The following BRCA2 variants were observed in gnomAD, a reference collection of about 807,000 sequenced individuals.
BRCA2 encodes the protein BRCA2 DNA repair associated.
A neutral mutation model predicts 276.7 loss-of-function variants in BRCA2; 203 were observed. The observed-to-expected ratio is 0.73, with a 90% confidence interval of 0.65 to 0.82. The LOEUF (loss-of-function observed/expected upper bound fraction) is 0.82. Among genes scored for constraint, BRCA2 ranks in the 40% least tolerant of loss-of-function variants. The probability of loss-of-function intolerance (pLI) is 0.00; values close to 1 mark genes in which losing one functional copy is unlikely to be tolerated. For synonymous variants in BRCA2, 1,289 were observed against 1,338.4 expected, an observed-to-expected ratio of 0.96 and a Z score of 0.81; for missense variants, 3,920 against 3,915.0, an observed-to-expected ratio of 1.00 and a Z score of -0.03.
In BRCA2 at chr13:32,336,843, A is replaced by G. The variant is rs574039421; in HGVS notation, c.2488A>G (p.Asn830Asp). 69 of 1,604,154 alleles carry G rather than the reference A, an allele frequency of 4.3e-5. No individual in the cohort carries two copies. The South Asian group carries it at 7.5e-4, about 17-fold the overall frequency. The change falls in exon 11 of 27, where the codon AAC becomes GAC. Residue 830 changes from asparagine (N) to aspartate (D), a missense_variant. Around this residue, in one of 2 missense-constraint regions of BRCA2, gnomAD observed 3,263 missense variants for 3,156.9 expected, o/e 1.03. Transcript: ENST00000380152. ...DVCALNENYK[N>D]VELLPPEKYM... ...ATGTGCTTTAAATGAAAATTATAAA[A>G]ACGTTGAGCTGTTGCCACCTGAAAA...
At chr13:32,362,077 C>T (rs1224232462) in intron 16 of BRCA2, among the ~76,000 whole-genome samples, 2 of 152,096 alleles carry the variant, frequency 1.3e-5, no homozygotes, top group African/African-American at 2.4e-5. Context: ...GGCTGGAGTG[C>T]AGTGGCACTA....
intron 10 of BRCA2, among the ~76,000 whole-genome samples, chr13:32,335,984 C>A (rs2072444964): frequency 6.6e-6 from 1 of 152,078 alleles, no homozygotes; most frequent in South Asian, 2.1e-4. Context: ...TGGGCTCAAG[C>A]AGTCCTTGCA....
chr13:32,334,736 C>T (rs1312189446), intron 10 of BRCA2, among the ~76,000 whole-genome samples: 1 of 151,560 alleles, frequency 6.6e-6, no homozygotes, highest in Non-Finnish European at 1.5e-5. Flanking sequence ...TTAATGTAGG[C>T]CAGTTCTAAA....
rs1490779192 is a variant in BRCA2 at position 32,367,422 on chromosome 13, G to A, written c.8332-2980G>A. Among the ~76,000 whole-genome samples the A allele has an allele frequency of 2.6e-5, 4 of 151,778 alleles. No homozygotes were observed. The South Asian group carries it at 6.2e-4, about 24-fold the overall frequency. ...ACTGCATTCTAGCCTGGGTGACAGA[G>A]CGAGACTCCATCTCAAAGAAAAAAA... is the stretch of plus-strand genomic sequence containing the variant. On this transcript the variant is annotated intron_variant, in intron 18 of 26. Transcript: ENST00000380152.
At chr13:32,336,225 A>C in intron 10 of BRCA2, 40 bp from the exon 11 acceptor site, 1 of 1,573,088 alleles carries the variant, frequency 6.4e-7, no homozygotes, top group Non-Finnish European at 8.6e-7. Flanking sequence ...AATGTGATTG[A>C]TGGTACTTTA....
Position 32,326,585 on chromosome 13 carries a change from AC to A in BRCA2, c.606del (p.Thr203ProfsTer8). On this transcript the variant is annotated frameshift_variant, in exon 7 of 27. Transcript: ENST00000380152. LOFTEE classifies it high-confidence loss of function. Reference sequence around the variant, plus strand: ...CTTGGTCAAGTTCTTTAGCTACACCACCCACCCTTAGTTCTACTGTGCTCAT... The same window carrying A: ...CTTGGTCAAGTTCTTTAGCTACACCACCACCCTTAGTTCTACTGTGCTCAT... ...MSWSSSLATP[P>X]TLSSTVLIVR... 6.2e-7 allele frequency: 1 copy of A among 1,610,704 alleles called. No homozygotes were observed. Among genetic ancestry groups the A allele is most frequent in the Non-Finnish European group, 8.5e-7 (1 of 1,176,864 alleles).
At chr13:32,327,592 C>T (rs2072359068) in intron 7 of BRCA2, among the ~76,000 whole-genome samples, 1 of 151,362 alleles carries the variant, frequency 6.6e-6, no homozygotes, top group Non-Finnish European at 1.5e-5. Context: ...ATGGCATGAA[C>T]CCGGGAGGCG....
chr13:32,380,868 A>G (rs1449670850), intron 24 of BRCA2, among the ~76,000 whole-genome samples: 1 of 152,140 alleles, frequency 6.6e-6, no homozygotes, highest in Non-Finnish European at 1.5e-5. Flanking sequence ...TATTGAATAT[A>G]TGGTCTTACT....
At chr13:32,397,086 A>G (rs780790240) in intron 26 of BRCA2, 42 bp downstream of exon 26, 17 of 1,585,308 alleles carry the variant, frequency 1.1e-5, no homozygotes, top group Middle Eastern at 1.7e-4. Context: ...AGAAGTATAT[A>G]TGGAGGCCAT....
intron 13 of BRCA2, among the ~76,000 whole-genome samples, chr13:32,348,721 A>G (rs953919112): frequency 1.1e-4 from 16 of 152,182 alleles, no homozygotes; most frequent in Admixed American, 9.8e-4. Context: ...GACTTAAGAA[A>G]TAAGAATTCA....
intron 8 of BRCA2, among the ~76,000 whole-genome samples, chr13:32,330,052 A>G (rs1441214730): frequency 6.6e-6 from 1 of 152,204 alleles, no homozygotes; most frequent in African/African-American, 2.4e-5. Context: ...TATATTTTTC[A>G]GTCCAAACCT....
chr13:32,392,367 AC>A (rs1206695567), intron 24 of BRCA2, among the ~76,000 whole-genome samples: 1 of 152,128 alleles, frequency 6.6e-6, no homozygotes, highest in Non-Finnish European at 1.5e-5. Context: ...AATGGATAGC[AC>A]CTACCCATCT....
At chr13:32,359,222 G>GAAAAAA (rs67041705) in intron 16 of BRCA2, among the ~76,000 whole-genome samples, 140 of 107,272 alleles carry the variant, frequency 1.3e-3, no homozygotes, top group Non-Finnish European at 1.6e-3. Flanking sequence ...TCCATCTCAA[G>GAAAAAA]AAAAAAAAAA....
At chr13:32,325,626 C>T (rs1370305843) in intron 4 of BRCA2, among the ~76,000 whole-genome samples, 1 of 151,380 alleles carries the variant, frequency 6.6e-6, no homozygotes, top group African/African-American at 2.4e-5. Flanking sequence ...CTGCAAGCTC[C>T]GCCTCCCGGG....
chr13:32,338,315 A>G lies in BRCA2; in HGVS notation c.3960A>G (p.Glu1320=), dbSNP rs1593901020. The change falls in exon 11 of 27, where the codon GAA becomes GAG. Residue 1320 remains glutamate (E), a synonymous_variant. Coordinates refer to ENST00000380152, the MANE Select transcript of BRCA2 (RefSeq NM_000059.4). ...ATTACAAGAGAAATACTGAAAATGA[A>G]GATAACAAATATACTGCTGCCAGTA... ...TENYKRNTEN[E]DNKYTAASRN... is the part of the protein sequence containing the mutation. 1 of 1,585,362 alleles carries G rather than the reference A, an allele frequency of 6.3e-7. No individual in the cohort carries two copies. The highest frequency in any genetic ancestry group is 1.4e-5 in the African/African-American group (1 of 73,658).
At position 32,340,030 on chromosome 13, in the gene BRCA2, G is replaced by A. The variant is rs786204067; in HGVS notation, c.5675G>A (p.Gly1892Asp). 2 of 1,613,506 alleles carry A rather than the reference G, an allele frequency of 1.2e-6. No individual in the cohort carries two copies. The highest frequency in any genetic ancestry group is 1.7e-6 in the Non-Finnish European group (2 of 1,179,786). ...ATTTGCCAAACGAAAATTATGGCAGGTTGTTACGAGGCATTGGATGATTCA... is the reference window on the plus strand; with the variant it reads ...ATTTGCCAAACGAAAATTATGGCAGATTGTTACGAGGCATTGGATGATTCA... The part of the protein sequence containing the change: ...SKICQTKIMA[G>D]CYEALDDSED... Residue 1892 changes from glycine to aspartate, a missense_variant, in exon 11 of 27, where the codon GGT becomes GAT. Around this residue, in one of 2 missense-constraint regions of BRCA2, gnomAD observed 3,263 missense variants for 3,156.9 expected, o/e 1.03. Transcript: ENST00000380152.
At position 32,370,944 on chromosome 13, in the gene BRCA2, A is replaced by C; in HGVS notation, c.8488-12A>C. On this transcript the variant is annotated splice_polypyrimidine_tract_variant and intron_variant, in intron 19 of 26. Coordinates refer to ENST00000380152, the MANE Select transcript of BRCA2 (RefSeq NM_000059.4). ...ATGTGACTTTTTTGGTGTGTGTAAC[A>C]CATTATTACAGTGGATGGAGAAGAC... 1 of 1,614,050 alleles carries C rather than the reference A, an allele frequency of 6.2e-7. No individual in the cohort carries two copies. The highest frequency in any genetic ancestry group is 8.5e-7 in the Non-Finnish European group (1 of 1,179,936).
At chr13:32,384,419 C>T (rs528923649) in intron 24 of BRCA2, among the ~76,000 whole-genome samples, 10 of 152,152 alleles carry the variant, frequency 6.6e-5, no homozygotes, top group South Asian at 2.1e-4. Flanking sequence ...AGCCTGGAAG[C>T]GGAATCCAGG....
upstream of BRCA2, chr13:32,315,417 T>G (rs2072244177): frequency 6.6e-6 from 1 of 152,254 alleles, no homozygotes; most frequent in Admixed American, 6.5e-5. Context: ...CACCCAGGCC[T>G]GACTTCCGGG....
Sources: gnomAD v4.1 joint callset for allele counts (sites outside exome capture counted in the v4.1 genomes callset) on GRCh38, gnomAD v4.1.1 for gene constraint, gnomAD v4.1.1 regional missense constraint, MANE v1.5 for transcripts, NCBI Gene and HGNC (gene_info 2026-07-23, HGNC 2026-07-21) for gene names.